LINGO2: variants seen among roughly 807,000 people sequenced by gnomAD.
The protein encoded by LINGO2 is leucine-rich repeat and immunoglobulin-like domain-containing nogo receptor-interacting protein 2.
In LINGO2, 14 loss-of-function variants were observed where a neutral mutation model predicts 30.6. The ratio of observed to expected loss-of-function variants is 0.46; its 90% CI spans 0.30 to 0.72. The LOEUF (loss-of-function observed/expected upper bound fraction) is 0.72, where lower values mean the gene tolerates loss of function less well. Ranked by LOEUF, LINGO2 falls within the 30% of genes least tolerant of loss-of-function variation. The probability of loss-of-function intolerance (pLI) is 0.07; values close to 1 mark genes in which losing one functional copy is unlikely to be tolerated. For missense variants in LINGO2, 729 were observed against 751.7 expected (o/e 0.97, Z 0.35); for synonymous variants, 317 against 288.5 (o/e 1.10, Z -1.00).
chr9:28,665,075 T>C (rs1828746623), intron 1 of LINGO2, among the ~76,000 whole-genome samples: 1 of 145,414 alleles, frequency 6.9e-6, no homozygotes, highest in African/African-American at 2.5e-5. Context: ...AATAAAGATT[T>C]AGCAAATAAA....
chr9:29,022,690 T>C, the LINGO2 span, among the ~76,000 whole-genome samples: 353 of 152,282 alleles, frequency 2.3e-3, 4 homozygotes, highest in Admixed American at 0.011. Flanking sequence ...TTTTTGTAAG[T>C]ATTGGAGTGG....
the LINGO2 span, among the ~76,000 whole-genome samples, chr9:28,966,963 A>C: frequency 2.0e-5 from 3 of 152,066 alleles, no homozygotes; most frequent in South Asian, 6.2e-4. Context: ...ATATATTGAG[A>C]GCTGAGTTAT....
intron 1 of LINGO2, among the ~76,000 whole-genome samples, chr9:28,638,093 C>T (rs191664438): frequency 3.9e-5 from 6 of 152,168 alleles, no homozygotes; most frequent in Admixed American, 1.3e-4. Context: ...TGGCTTTTGT[C>T]GTTGGTTCTG....
chr9:29,090,315 T>C, the LINGO2 span, among the ~76,000 whole-genome samples: 8 of 152,028 alleles, frequency 5.3e-5, no homozygotes, highest in Non-Finnish European at 1.2e-4. Flanking sequence ...TATAAAGTCC[T>C]GTTCAAATGT....
At chr9:28,190,066 T>C (rs979065483) in intron 4 of LINGO2, among the ~76,000 whole-genome samples, 22 of 152,162 alleles carry the variant, frequency 1.4e-4, no homozygotes, top group African/African-American at 5.1e-4. Context: ...GTAAGTTCTT[T>C]AAACGTTTCA....
chr9:27,950,052 T>C (rs753998451), exon 6 of LINGO2: 1 of 1,614,146 alleles, frequency 6.2e-7, no homozygotes, highest in South Asian at 1.1e-5. Flanking sequence ...ATGCTTCAGA[T>C]GCAGGCTGAT....
At chr9:28,136,772 C>G (rs1563995533) in intron 4 of LINGO2, among the ~76,000 whole-genome samples, 1 of 152,124 alleles carries the variant, frequency 6.6e-6, no homozygotes, top group African/African-American at 2.4e-5. Context: ...CTCAGATAAA[C>G]ATATGGTTAA....
rs1399185466 is a variant in LINGO2 at position 28,208,426 on chromosome 9, A to T, written c.-87+86782T>A. ...TTATTCACTGGGCTTTCTCTTCAGG[A>T]TATAACTGCAATCTGCTATTTAAGG... is the stretch of plus-strand genomic sequence containing the variant. On this transcript the variant is annotated intron_variant, in intron 4 of 5. Transcript: ENST00000379992. 2.0e-5 allele frequency among the ~76,000 whole-genome samples: 3 copies of T among 152,090 alleles called. No individual in the cohort carries two copies. The South Asian group carries it at 6.2e-4, about 31-fold the overall frequency.
At chr9:28,989,797 A>C in the LINGO2 span, among the ~76,000 whole-genome samples, 7 of 152,220 alleles carry the variant, frequency 4.6e-5, no homozygotes, top group African/African-American at 1.7e-4. Flanking sequence ...AGTTTTAGAA[A>C]GTGGAACATA....
intron 1 of LINGO2, among the ~76,000 whole-genome samples, chr9:28,565,436 C>A (rs1280508799): frequency 2.6e-5 from 4 of 151,778 alleles, no homozygotes; most frequent in Non-Finnish European, 4.4e-5. Context: ...ACCCCTGCCT[C>A]AGCCTCCCAA....
At chr9:28,738,595 A>C in the LINGO2 span, among the ~76,000 whole-genome samples, 1 of 152,052 alleles carries the variant, frequency 6.6e-6, no homozygotes, top group East Asian at 1.9e-4. Context: ...GAAAATCACT[A>C]CCAAAAAAAG....
intron 1 of LINGO2, among the ~76,000 whole-genome samples, chr9:28,566,771 T>A (rs1823405209): frequency 6.6e-6 from 1 of 152,132 alleles, no homozygotes; most frequent in African/African-American, 2.4e-5. Context: ...ATGAGTAAAA[T>A]CACATCATTT....
intron 2 of LINGO2, among the ~76,000 whole-genome samples, chr9:28,456,218 A>G (rs1824841078): frequency 6.6e-6 from 1 of 152,184 alleles, no homozygotes; most frequent in Admixed American, 6.5e-5. Context: ...GCAAAGTGAA[A>G]AAGACTTGTT....
chr9:28,868,062 A>G, the LINGO2 span, among the ~76,000 whole-genome samples: 1 of 152,110 alleles, frequency 6.6e-6, no homozygotes, highest in East Asian at 1.9e-4. Context: ...TAATATCTCA[A>G]TTACAAATCT....
rs755348515 is a variant in LINGO2 at position 27,949,687 on chromosome 9, A to C, written c.985T>G (p.Ser329Ala). 23 of 1,613,996 alleles carry C rather than the reference A, an allele frequency of 1.4e-5. No individual in the cohort carries two copies. The highest frequency in any genetic ancestry group is 6.6e-5 in the South Asian group (6 of 91,082). The stretch of plus-strand genomic sequence containing the variant: ...TCCAAAGTTTCCAGCAGGTTCTGAG[A>C]CACATTGAGCACGCGTAGGAAGCGG... Residue 329 changes from serine (S) to alanine (A), a missense_variant, in exon 6 of 6, where the codon TCT becomes GCT. Ser to Ala is a moderately conservative substitution (Grantham distance 99, BLOSUM62 1). Transcript: ENST00000379992.
At chr9:27,949,763 A>G (rs1216787467) in exon 6 of LINGO2, 2 of 1,614,128 alleles carry the variant, frequency 1.2e-6, no homozygotes, top group African/African-American at 2.7e-5. Flanking sequence ...CCCCCACTAT[A>G]TGAAGCTCCT....
At chr9:28,837,101 C>A in the LINGO2 span, among the ~76,000 whole-genome samples, 1 of 152,124 alleles carries the variant, frequency 6.6e-6, no homozygotes, top group Admixed American at 6.5e-5. Context: ...ATAAATATAT[C>A]CCTCTGTTCT....
chr9:28,506,300 G>C (rs998321104), intron 1 of LINGO2, among the ~76,000 whole-genome samples: 6 of 150,152 alleles, frequency 4.0e-5, no homozygotes, highest in Admixed American at 2.0e-4. Context: ...TCTATTTGAC[G>C]ATGTTCAATT....
In LINGO2 at chr9:28,051,078, C is replaced by T. The variant is rs78665160; in HGVS notation, c.-86-38673G>A. ...TTTAGCTAACTCCTTTCTCCAAGGT[C>T]GTCTTCTCCTGCTTTCCTTTTCCTA... On this transcript the variant is annotated intron_variant, in intron 4 of 5. Coordinates refer to ENST00000379992, the Ensembl canonical transcript of LINGO2. Among the ~76,000 whole-genome samples, 1,105 of 150,832 alleles carry T rather than the reference C, an allele frequency of 7.3e-3. 27 individuals carry two copies. Among genetic ancestry groups the T allele is most frequent in the Non-Finnish European group, 0.011 (736 of 67,854 alleles).
Sources: gnomAD v4.1 joint callset for allele counts (sites outside exome capture counted in the v4.1 genomes callset) on GRCh38, gnomAD v4.1.1 for gene constraint, MANE v1.5 for transcripts, NCBI Gene and HGNC (gene_info 2026-07-23, HGNC 2026-07-21) for gene names.